Variants in CTNNA3 observed in about 807,000 individuals in gnomAD.
CTNNA3 encodes the protein catenin alpha 3.
CTNNA3 carries 76 observed loss-of-function variants against 95.7 expected under a neutral mutation model. That is an observed-to-expected ratio of 0.79 (90% CI 0.66 to 0.96). CTNNA3 has a LOEUF of 0.96. Among genes scored for constraint, CTNNA3 ranks in the 40% least tolerant of loss-of-function variants. The pLI is 0.00. For missense variants in CTNNA3, 1,191 were observed against 1,089.8 expected (o/e 1.09, Z -1.31); for synonymous variants, 431 against 374.4 (o/e 1.15, Z -1.74).
chr10:67,527,946 T>C (rs1448984777), intron 4 of CTNNA3, among the ~76,000 whole-genome samples: 1 of 152,202 alleles, frequency 6.6e-6, no homozygotes, highest in African/African-American at 2.4e-5. Context: ...AGAGTCCTTC[T>C]CCACCACAAT....
At chr10:66,906,729 T>G (rs1846003154) in intron 7 of CTNNA3, among the ~76,000 whole-genome samples, 1 of 152,142 alleles carries the variant, frequency 6.6e-6, no homozygotes, top group Admixed American at 6.6e-5. Flanking sequence ...TTTTGCTAAC[T>G]TTTTAAAGTA....
intron 15 of CTNNA3, 100 bp downstream of exon 15, chr10:66,069,208 G>A (rs1311104148): frequency 1.7e-6 from 2 of 1,173,632 alleles, no homozygotes; most frequent in Non-Finnish European, 2.5e-6. Context: ...CCTACCACCT[G>A]ATTTTTGGCA....
intron 11 of CTNNA3, among the ~76,000 whole-genome samples, chr10:66,406,262 T>G (rs1439925566): frequency 6.6e-6 from 1 of 152,174 alleles, no homozygotes; most frequent in East Asian, 1.9e-4. Context: ...AGTGGTTTGA[T>G]GAAGAAGTGA....
At chr10:67,270,713 T>C (rs1329930337) in intron 5 of CTNNA3, among the ~76,000 whole-genome samples, 1 of 152,206 alleles carries the variant, frequency 6.6e-6, no homozygotes, top group South Asian at 2.1e-4. Context: ...AATTACCCTT[T>C]TGCAACTTCT....
At chr10:65,984,478 A>G (rs949904545) in intron 16 of CTNNA3, among the ~76,000 whole-genome samples, 5 of 151,370 alleles carry the variant, frequency 3.3e-5, no homozygotes, top group East Asian at 1.9e-4. Flanking sequence ...AAGGCCAAAA[A>G]GAGTCATCTA....
chr10:67,293,260 G>A (rs950025560), intron 5 of CTNNA3, among the ~76,000 whole-genome samples: 5 of 152,126 alleles, frequency 3.3e-5, no homozygotes, highest in African/African-American at 1.2e-4. Flanking sequence ...GTTGGAAGGA[G>A]CCCTAGTAAA....
At chr10:67,686,398 G>T (rs1210362485) in intron 1 of CTNNA3, among the ~76,000 whole-genome samples, 4 of 152,158 alleles carry the variant, frequency 2.6e-5, no homozygotes. Flanking sequence ...ATCATCTTGG[G>T]TGGCATAAGT....
At chr10:66,549,753 G>T (rs1842156929) in intron 10 of CTNNA3, among the ~76,000 whole-genome samples, 1 of 152,108 alleles carries the variant, frequency 6.6e-6, no homozygotes, top group Non-Finnish European at 1.5e-5. Context: ...ATTTAGAAGT[G>T]TGCTGTTTAA....
At chr10:67,690,238 T>C (rs1358593270) in intron 1 of CTNNA3, among the ~76,000 whole-genome samples, 2 of 152,312 alleles carry the variant, frequency 1.3e-5, no homozygotes, top group East Asian at 1.9e-4. Flanking sequence ...AGTGGGTTCA[T>C]GATCTGGCTG....
intron 13 of CTNNA3, among the ~76,000 whole-genome samples, chr10:66,260,929 G>T (rs1004716775): frequency 4.6e-5 from 7 of 151,976 alleles, no homozygotes; most frequent in African/African-American, 1.7e-4. Context: ...CAGACTTTGC[G>T]GCCAAGACAA....
chr10:66,191,588 T>A (rs2086667794), intron 13 of CTNNA3, among the ~76,000 whole-genome samples: 1 of 150,572 alleles, frequency 6.6e-6, no homozygotes, highest in Non-Finnish European at 1.5e-5. Flanking sequence ...CTGCCCACAT[T>A]TGTATTTCAA....
chr10:66,333,922 G>A lies in CTNNA3; in HGVS notation c.1732+45230C>T, dbSNP rs547231908. Reference sequence around the variant, plus strand: ...ATGAATCTGGGTGCTCCTGTATGTGGTGTATATATATTTAGGATAGTTAGC... The same window carrying A: ...ATGAATCTGGGTGCTCCTGTATGTGATGTATATATATTTAGGATAGTTAGC... On this transcript the variant is annotated intron_variant, in intron 12 of 17. Transcript: ENST00000433211. Among the ~76,000 whole-genome samples the A allele has an allele frequency of 1.1e-4, 16 of 152,136 alleles. No individual in the cohort carries two copies. The East Asian group carries it at 2.3e-3, about 22-fold the overall frequency.
At chr10:67,542,625 T>C (rs1840715740) in intron 3 of CTNNA3, among the ~76,000 whole-genome samples, 1 of 151,992 alleles carries the variant, frequency 6.6e-6, no homozygotes, top group Admixed American at 6.6e-5. Flanking sequence ...GAAGTTCAGA[T>C]CAAGTGAAAG....
At chr10:66,008,095 T>C (rs186473333) in intron 15 of CTNNA3, among the ~76,000 whole-genome samples, 1 of 152,258 alleles carries the variant, frequency 6.6e-6, no homozygotes, top group Non-Finnish European at 1.5e-5. Flanking sequence ...AGGCTGCCTT[T>C]CTCTACTGCC....
chr10:66,153,950 C>T (rs1398824851), intron 13 of CTNNA3, among the ~76,000 whole-genome samples: 1 of 151,410 alleles, frequency 6.6e-6, no homozygotes, highest in African/African-American at 2.4e-5. Flanking sequence ...CGGGCTGGAC[C>T]ATTTGAAACT....
chr10:66,614,048 T>G (rs1911328), intron 10 of CTNNA3, among the ~76,000 whole-genome samples: 68,665 of 151,842 alleles, frequency 0.45, 15,759 homozygotes, highest in African/African-American at 0.51. Context: ...CTTTCCATTT[T>G]AAAGAGATAG....
chr10:66,649,557 C>T lies in CTNNA3; in HGVS notation c.1282-27773G>A, dbSNP rs141997228. Among the ~76,000 whole-genome samples the T allele has an allele frequency of 9.0e-3, 1,368 of 152,282 alleles. 9 individuals carry two copies. The highest frequency in any genetic ancestry group is 0.015 in the Non-Finnish European group (1,006 of 68,014). On this transcript the variant is annotated intron_variant, in intron 9 of 17. Coordinates refer to ENST00000433211, the MANE Select transcript of CTNNA3 (RefSeq NM_013266.4). The stretch of plus-strand genomic sequence containing the variant: ...ACTTACTGTGGAACCCAACACTGGG[C>T]CTGCTCCAGCAAAACCCAACTTCAC...
At chr10:66,037,972 G>A (rs2079601664) in intron 15 of CTNNA3, among the ~76,000 whole-genome samples, 1 of 152,156 alleles carries the variant, frequency 6.6e-6, no homozygotes, top group South Asian at 2.1e-4. Flanking sequence ...GAAGGGGAGG[G>A]ACAGACCACA....
rs1299428330 is a variant in CTNNA3, at chr10:66,103,138, A to G, written c.1977+19T>C. On this transcript the variant is annotated intron_variant, in intron 14 of 17. Transcript: ENST00000433211. ...CAGTGACACAGTACATGGTTCTCCCACCAGTTGAAGTGACATACCCTATCA... is the reference window on the plus strand; with the variant it reads ...CAGTGACACAGTACATGGTTCTCCCGCCAGTTGAAGTGACATACCCTATCA... 6.3e-7 allele frequency: 1 copy of G among 1,598,094 alleles called. No homozygotes were observed. Among genetic ancestry groups the G allele is most frequent in the South Asian group, 1.1e-5 (1 of 90,786 alleles).
Sources: gnomAD v4.1 joint callset for allele counts (sites outside exome capture counted in the v4.1 genomes callset) on GRCh38, gnomAD v4.1.1 for gene constraint, MANE v1.5 for transcripts, NCBI Gene and HGNC (gene_info 2026-07-23, HGNC 2026-07-21) for gene names.